Variants in PCSK2 observed in about 807,000 individuals in gnomAD.
PCSK2 encodes the protein neuroendocrine convertase 2.
Under a neutral mutation model 69.7 loss-of-function variants are expected in PCSK2, and 14 were observed. The ratio of observed to expected loss-of-function variants is 0.20; its 90% confidence interval spans 0.13 to 0.31. The LOEUF is 0.31. PCSK2 is among the 10% of genes least tolerant of loss of function. PCSK2 has a pLI of 1.00. For synonymous variants in PCSK2, 307 were observed against 320.7 expected (o/e 0.96, Z 0.46); for missense variants, 544 against 842.5 (o/e 0.65, Z 4.39).
chr20:17,283,237 T>G (rs1044112055), intron 2 of PCSK2, among the ~76,000 whole-genome samples: 3 of 151,980 alleles, frequency 2.0e-5, no homozygotes, highest in African/African-American at 7.3e-5. Context: ...AATAAGTAGG[T>G]AGATAAATGA....
intron 2 of PCSK2, among the ~76,000 whole-genome samples, chr20:17,318,544 T>C (rs1989762747): frequency 1.3e-5 from 2 of 152,240 alleles, no homozygotes; most frequent in African/African-American, 2.4e-5. Flanking sequence ...GTGTCTGTGA[T>C]TGCAGCGTGG....
At chr20:17,303,456 TAAATATA>T (rs1989177088) in intron 2 of PCSK2, among the ~76,000 whole-genome samples, 8 of 55,294 alleles carry the variant, frequency 1.4e-4, no homozygotes, top group African/African-American at 4.8e-4. Context: ...TATATTATAT[TAAATATA>T]ATATATATTA....
chr20:17,429,167 C>T (rs1487944329), intron 6 of PCSK2, among the ~76,000 whole-genome samples: 1 of 151,872 alleles, frequency 6.6e-6, no homozygotes, highest in East Asian at 1.9e-4. Context: ...TCAGCTTATA[C>T]TTGTTTTATT....
chr20:17,409,160 C>G, intron 5 of PCSK2, 103 bp from the exon 6 acceptor site: 1 of 854,576 alleles, frequency 1.2e-6, no homozygotes, highest in Non-Finnish European at 2.0e-6. Context: ...GCACACTAAT[C>G]CAGCACTCCA....
chr20:17,363,923 A>G (rs544095586), intron 4 of PCSK2, among the ~76,000 whole-genome samples: 1 of 152,296 alleles, frequency 6.6e-6, no homozygotes, highest in Admixed American at 6.5e-5. Flanking sequence ...TCTCACAACT[A>G]ATTCTAACCA....
At chr20:17,258,933 T>A (rs1008228133) in intron 1 of PCSK2, among the ~76,000 whole-genome samples, 8 of 151,902 alleles carry the variant, frequency 5.3e-5, no homozygotes, top group African/African-American at 1.9e-4. Flanking sequence ...AAAGAAAACA[T>A]GAAGAATTTT....
chr20:17,375,947 G>A (rs1157188141), intron 5 of PCSK2, among the ~76,000 whole-genome samples: 1 of 152,118 alleles, frequency 6.6e-6, no homozygotes, highest in Non-Finnish European at 1.5e-5. Flanking sequence ...CTTTGGATTG[G>A]GCCTTGTGAC....
chr20:17,439,720 A>G (rs1375564680), intron 8 of PCSK2, among the ~76,000 whole-genome samples: 3 of 152,244 alleles, frequency 2.0e-5, no homozygotes, highest in Admixed American at 6.5e-5. Context: ...TAACTTCCTC[A>G]GAGTCTCAGC....
At chr20:17,365,364 C>T (rs2030554562) in intron 4 of PCSK2, among the ~76,000 whole-genome samples, 1 of 152,162 alleles carries the variant, frequency 6.6e-6, no homozygotes, top group African/African-American at 2.4e-5. Flanking sequence ...CTTCAAAATA[C>T]TATTGCAACT....
intron 1 of PCSK2, among the ~76,000 whole-genome samples, chr20:17,257,777 T>C (rs1987233911): frequency 6.6e-6 from 1 of 152,234 alleles, no homozygotes; most frequent in Admixed American, 6.5e-5. Flanking sequence ...ACTTAGGGCC[T>C]TCTTAGATAT....
intron 5 of PCSK2, among the ~76,000 whole-genome samples, chr20:17,401,635 A>G (rs1215907822): frequency 6.6e-6 from 1 of 152,226 alleles, no homozygotes; most frequent in African/African-American, 2.4e-5. Context: ...ATGCTAACAT[A>G]TGTCCTTTAT....
chr20:17,400,783 T>C (rs188229337), intron 5 of PCSK2, among the ~76,000 whole-genome samples: 2 of 152,276 alleles, frequency 1.3e-5, no homozygotes, highest in East Asian at 3.9e-4. Flanking sequence ...CTATTCTACA[T>C]ATTGCCTTTT....
At chr20:17,378,475 A>G (rs1216408221) in intron 5 of PCSK2, among the ~76,000 whole-genome samples, 3 of 152,240 alleles carry the variant, frequency 2.0e-5, no homozygotes, top group Admixed American at 1.3e-4. Context: ...CTTAAAGACC[A>G]GGGTAATGTC....
chr20:17,268,257 C>T (rs967670426), intron 2 of PCSK2, among the ~76,000 whole-genome samples: 6 of 151,878 alleles, frequency 4.0e-5, no homozygotes, highest in Non-Finnish European at 7.4e-5. Flanking sequence ...AGACAAAGTC[C>T]TCCTCCCAGG....
intron 6 of PCSK2, among the ~76,000 whole-genome samples, chr20:17,418,548 G>A (rs1321532288): frequency 3.3e-5 from 5 of 152,142 alleles, no homozygotes; most frequent in African/African-American, 1.2e-4. Flanking sequence ...AAGTTGCTAG[G>A]AGAAAGAAAT....
At chr20:17,477,767 G>T (rs1394891556) in intron 11 of PCSK2, among the ~76,000 whole-genome samples, 5 of 152,156 alleles carry the variant, frequency 3.3e-5, no homozygotes, top group Non-Finnish European at 5.9e-5. Context: ...TCCACTCTCT[G>T]TAAGTGTTAG....
rs760942493 is a variant in PCSK2, at chr20:17,477,416, G to A, written c.1431-4168G>A. Among the ~76,000 whole-genome samples the A allele has an allele frequency of 4.0e-5, 6 of 151,802 alleles. No homozygotes were observed. In the East Asian group the frequency reaches 5.8e-4, roughly 15 times the overall value. ...GAAACAGAACAGATAGCAAGTTCAC[G>A]AGGTATGAATATTTTTTTCTTAAAT... On this transcript the variant is annotated intron_variant, in intron 11 of 11. Transcript: ENST00000262545.
chr20:17,258,746 C>A (rs896117875), intron 1 of PCSK2, among the ~76,000 whole-genome samples: 4 of 146,768 alleles, frequency 2.7e-5, no homozygotes, highest in Admixed American at 2.1e-4. Context: ...AGAAGAACCA[C>A]TTTGCATAAT....
chr20:17,262,317 C>A (rs2123003035), intron 2 of PCSK2, among the ~76,000 whole-genome samples: 1 of 152,270 alleles, frequency 6.6e-6, no homozygotes, highest in South Asian at 2.1e-4. Flanking sequence ...TGAAGACCAA[C>A]AGAAAATAGC....
Sources: gnomAD v4.1 joint callset for allele counts (sites outside exome capture counted in the v4.1 genomes callset) on GRCh38, gnomAD v4.1.1 for gene constraint, MANE v1.5 for transcripts, NCBI Gene and HGNC (gene_info 2026-07-23, HGNC 2026-07-21) for gene names.